The following KALRN variants were observed in gnomAD, a reference collection of about 807,000 sequenced individuals.
The protein encoded by KALRN is kalirin RhoGEF kinase.
KALRN carries 70 observed loss-of-function variants against 353.7 expected under a neutral mutation model. The observed-to-expected ratio is 0.20, with a 90% CI of 0.16 to 0.24. The LOEUF (loss-of-function observed/expected upper bound fraction) is 0.24. Ranked by LOEUF, KALRN falls within the 10% of genes least tolerant of loss-of-function variation. The probability of loss-of-function intolerance (pLI) is 1.00; values close to 1 mark genes in which losing one functional copy is unlikely to be tolerated. For missense variants in KALRN, 2,791 were observed against 3,756.7 expected (o/e 0.74, Z 6.72); for synonymous variants, 1,391 against 1,434.8 (o/e 0.97, Z 0.69).
At chr3:124,686,651 A>G (rs930688696) in intron 51 of KALRN, among the ~76,000 whole-genome samples, 24 of 152,158 alleles carry the variant, frequency 1.6e-4, no homozygotes, top group African/African-American at 5.6e-4. Context: ...GGTTGAGACC[A>G]GACAGACAAC....
At chr3:124,578,734 C>G (rs905630415) in intron 34 of KALRN, among the ~76,000 whole-genome samples, 2 of 151,546 alleles carry the variant, frequency 1.3e-5, no homozygotes, top group African/African-American at 4.9e-5. Flanking sequence ...TGCCCCTGCA[C>G]TCCAGCCTGG....
At chr3:124,527,158 C>A (rs2067659786) in intron 33 of KALRN, among the ~76,000 whole-genome samples, 1 of 152,136 alleles carries the variant, frequency 6.6e-6, no homozygotes, top group African/African-American at 2.4e-5. Flanking sequence ...CAATGACTGA[C>A]ACAATCAGGG....
chr3:124,321,677 G>C (rs1019899055), intron 6 of KALRN, among the ~76,000 whole-genome samples: 4 of 152,196 alleles, frequency 2.6e-5, no homozygotes, highest in African/African-American at 9.6e-5. Flanking sequence ...AATTTTGTGG[G>C]TAACAAAAGT....
At chr3:124,131,522 A>G (rs2065274509) in intron 1 of KALRN, among the ~76,000 whole-genome samples, 1 of 152,216 alleles carries the variant, frequency 6.6e-6, no homozygotes, top group Non-Finnish European at 1.5e-5. Flanking sequence ...ACTTGATGAA[A>G]TTGATGGCAG....
intron 33 of KALRN, among the ~76,000 whole-genome samples, chr3:124,523,703 C>CA (rs1017920154): frequency 5.9e-5 from 9 of 152,160 alleles, no homozygotes; most frequent in Non-Finnish European, 1.2e-4. Flanking sequence ...TACCCCTCCA[C>CA]AAAAAATGGA....
chr3:124,642,111 A>G (rs996806594), intron 37 of KALRN, among the ~76,000 whole-genome samples: 2 of 152,118 alleles, frequency 1.3e-5, no homozygotes, highest in Middle Eastern at 3.2e-3. Flanking sequence ...GTGAAACCCC[A>G]TATCTAGTAA....
rs2093834246 is a variant in KALRN, at chr3:124,446,213, C to A, written c.3366C>A (p.Thr1122=). The A allele has an allele frequency of 6.2e-7, 1 of 1,614,146 alleles. No homozygotes were observed. The highest frequency in any genetic ancestry group is 8.5e-7 in the Non-Finnish European group (1 of 1,179,988). Residue 1122 remains threonine, a synonymous_variant, in exon 20 of 60, where the codon ACC becomes ACA. Transcript: ENST00000682506. The stretch of plus-strand genomic sequence containing the variant: ...AGAATCGCGTGCTGCATTTCTGGAC[C>A]TTGAAGAAGCGGCGGTTAGACCAAT... The part of the protein sequence containing the change: ...QRENRVLHFW[T]LKKRRLDQCQ...
At chr3:124,136,629 G>A (rs1011941947) in intron 1 of KALRN, among the ~76,000 whole-genome samples, 2 of 152,092 alleles carry the variant, frequency 1.3e-5, no homozygotes, top group Non-Finnish European at 2.9e-5. Flanking sequence ...AGAGTTTGTT[G>A]GCCTTTAGGG....
intron 3 of KALRN, among the ~76,000 whole-genome samples, chr3:124,242,805 G>A (rs1331778475): frequency 6.6e-6 from 1 of 152,172 alleles, no homozygotes; most frequent in Non-Finnish European, 1.5e-5. Flanking sequence ...TGGTGGTGGT[G>A]TTGGGGTCCT....
chr3:124,624,618 T>C (rs1195770247), intron 34 of KALRN, among the ~76,000 whole-genome samples: 3 of 152,338 alleles, frequency 2.0e-5, no homozygotes, highest in East Asian at 3.9e-4. Flanking sequence ...TCTGAGACCA[T>C]AATCTCAACA....
At chr3:124,480,061 A>C (rs138712519) in intron 27 of KALRN, among the ~76,000 whole-genome samples, 33 of 152,260 alleles carry the variant, frequency 2.2e-4, no homozygotes, top group African/African-American at 6.7e-4. Flanking sequence ...CATGGGTGTG[A>C]TGTCTAAGCT....
intron 33 of KALRN, among the ~76,000 whole-genome samples, chr3:124,558,847 C>G (rs746640398): frequency 6.6e-6 from 1 of 152,238 alleles, no homozygotes. Context: ...CAAATGGAAG[C>G]TCTGAAATGA....
chr3:124,482,735 T>C (rs2062116014), intron 27 of KALRN, 73 bp from the exon 28 acceptor site: 2 of 990,128 alleles, frequency 2.0e-6, no homozygotes, highest in Non-Finnish European at 3.3e-6. Flanking sequence ...GACCCCTGCC[T>C]TTCTCCTCTC....
chr3:124,614,149 C>T (rs1386312874), intron 34 of KALRN, among the ~76,000 whole-genome samples: 1 of 152,150 alleles, frequency 6.6e-6, no homozygotes, highest in Non-Finnish European at 1.5e-5. Flanking sequence ...CTAAAATGAA[C>T]TTTAAATAGA....
chr3:124,366,598 C>A (rs1576321924), intron 10 of KALRN, among the ~76,000 whole-genome samples: 1 of 150,948 alleles, frequency 6.6e-6, no homozygotes, highest in Non-Finnish European at 1.5e-5. Flanking sequence ...TCTCCCATGT[C>A]TACTTCTTTC....
rs113514996 is a variant in KALRN, at chr3:124,316,912, G to A, written c.1093-9068G>A. On this transcript the variant is annotated intron_variant, in intron 6 of 59. Transcript: ENST00000682506. ...TCCAGCTATAAGGCAAGATATTGAT[G>A]AAAGCAAAGAGTTGCCTTAATCTTG... is the stretch of plus-strand genomic sequence containing the variant. Among the ~76,000 whole-genome samples, 334 of 152,314 alleles carry A rather than the reference G, an allele frequency of 2.2e-3. 3 individuals carry two copies. Among genetic ancestry groups the A allele is most frequent in the African/African-American group, 7.5e-3 (312 of 41,570 alleles).
At chr3:124,082,345 T>A in intron 1 of KALRN, 1 of 470,408 alleles carries the variant, frequency 2.1e-6, no homozygotes, top group South Asian at 1.6e-5. Context: ...AAGTAGAAAT[T>A]CTGTTTCCTA....
At chr3:124,683,128 G>T (rs2061414185) in intron 51 of KALRN, among the ~76,000 whole-genome samples, 1 of 152,176 alleles carries the variant, frequency 6.6e-6, no homozygotes, top group Non-Finnish European at 1.5e-5. Context: ...TTTCTACATG[G>T]AAGAAGAGTC....
At chr3:124,085,896 G>T (rs959305503) in intron 1 of KALRN, among the ~76,000 whole-genome samples, 1 of 152,174 alleles carries the variant, frequency 6.6e-6, no homozygotes, top group Non-Finnish European at 1.5e-5. Context: ...CATATTGATA[G>T]TGTGTATGTA....
Sources: gnomAD v4.1 joint callset for allele counts (sites outside exome capture counted in the v4.1 genomes callset) on GRCh38, gnomAD v4.1.1 for gene constraint, MANE v1.5 for transcripts, NCBI Gene and HGNC (gene_info 2026-07-23, HGNC 2026-07-21) for gene names.